PCED1B: variants seen among roughly 807,000 people sequenced by gnomAD.
The protein encoded by PCED1B is PC-esterase domain containing 1B.
For missense variants in PCED1B, 573 were observed against 573.9 expected (o/e 1.00, Z 0.02); for synonymous variants, 251 against 246.1 (o/e 1.02, Z -0.19).
intron 2 of PCED1B, among the ~76,000 whole-genome samples, chr12:47,191,399 C>A (rs1942434813): frequency 6.6e-6 from 1 of 152,188 alleles, no homozygotes; most frequent in African/African-American, 2.4e-5. Context: ...CTTCCTAATT[C>A]TATACCCCAG....
chr12:47,198,636 T>G (rs779081042), intron 2 of PCED1B, among the ~76,000 whole-genome samples: 7 of 147,888 alleles, frequency 4.7e-5, no homozygotes, highest in Non-Finnish European at 1.0e-4. Flanking sequence ...AAGAAAGAAA[T>G]AAAACTTTGT....
At chr12:47,165,072 T>C (rs1232286531) in intron 2 of PCED1B, among the ~76,000 whole-genome samples, 1 of 152,110 alleles carries the variant, frequency 6.6e-6, no homozygotes, top group African/African-American at 2.4e-5. Flanking sequence ...TGCTTGAGAG[T>C]TTTACCCTGG....
chr12:47,180,620 T>A (rs894395732), intron 2 of PCED1B, among the ~76,000 whole-genome samples: 26 of 152,184 alleles, frequency 1.7e-4, no homozygotes, highest in African/African-American at 5.8e-4. Flanking sequence ...AATAAAGAGC[T>A]TCTGCACCGC....
At chr12:47,170,372 C>T (rs893629839) in intron 2 of PCED1B, among the ~76,000 whole-genome samples, 45 of 152,318 alleles carry the variant, frequency 3.0e-4, no homozygotes, top group Non-Finnish European at 4.9e-4. Flanking sequence ...AAACCGCCAT[C>T]GTCATCATGG....
intron 2 of PCED1B, among the ~76,000 whole-genome samples, chr12:47,197,820 C>T (rs1296558591): frequency 1.3e-5 from 2 of 152,042 alleles, no homozygotes; most frequent in Non-Finnish European, 2.9e-5. Flanking sequence ...CCTAGAAGGA[C>T]ACAGTCTACT....
At chr12:47,103,497 T>C (rs1221014630) in intron 1 of PCED1B, among the ~76,000 whole-genome samples, 1 of 152,218 alleles carries the variant, frequency 6.6e-6, no homozygotes, top group Admixed American at 6.5e-5. Flanking sequence ...ATGACCATTT[T>C]AATAGCAAAG....
chr12:47,234,500 T>C (rs1228409836), intron 3 of PCED1B, among the ~76,000 whole-genome samples: 3 of 152,368 alleles, frequency 2.0e-5, no homozygotes, highest in Admixed American at 6.5e-5. Context: ...CTCTTTTATA[T>C]AGTTTAAGTG....
intron 2 of PCED1B, among the ~76,000 whole-genome samples, chr12:47,162,291 T>C (rs191510073): frequency 6.6e-6 from 1 of 151,980 alleles, no homozygotes; most frequent in East Asian, 1.9e-4. Context: ...ATACCTGAGG[T>C]TGGGTGACTT....
intron 2 of PCED1B, among the ~76,000 whole-genome samples, chr12:47,128,945 C>A (rs1940007406): frequency 6.6e-6 from 1 of 152,200 alleles, no homozygotes; most frequent in African/African-American, 2.4e-5. Context: ...AAAGCCATCT[C>A]TGAATTTCCT....
At chr12:47,096,128 C>T (rs1009596843) in intron 1 of PCED1B, among the ~76,000 whole-genome samples, 3 of 152,084 alleles carry the variant, frequency 2.0e-5, no homozygotes, top group Non-Finnish European at 2.9e-5. Context: ...CTAAGCATTC[C>T]TGAGCACTAC....
intron 3 of PCED1B, among the ~76,000 whole-genome samples, chr12:47,227,125 T>C (rs1414339344): frequency 6.6e-6 from 1 of 151,932 alleles, no homozygotes; most frequent in Non-Finnish European, 1.5e-5. Context: ...TCATTTCCAT[T>C]TCAGGTTTTT....
intron 2 of PCED1B, among the ~76,000 whole-genome samples, chr12:47,139,931 CGT>C (rs1481981355): frequency 3.3e-4 from 50 of 151,732 alleles, no homozygotes; most frequent in African/African-American, 1.1e-3. Context: ...ATGTGTGTTT[CGT>C]GTGAGTAGGG....
At chr12:47,234,725 C>T (rs1031602729) in intron 3 of PCED1B, among the ~76,000 whole-genome samples, 2 of 152,182 alleles carry the variant, frequency 1.3e-5, no homozygotes, top group Non-Finnish European at 2.9e-5. Context: ...CTCCTCCCCA[C>T]CAGGTGGAAC....
intron 2 of PCED1B, among the ~76,000 whole-genome samples, chr12:47,128,947 G>A (rs1940007701): frequency 6.6e-6 from 1 of 152,214 alleles, no homozygotes; most frequent in East Asian, 1.9e-4. Context: ...AGCCATCTCT[G>A]AATTTCCTTC....
At chr12:47,192,881 C>G (rs958724794) in intron 2 of PCED1B, among the ~76,000 whole-genome samples, 1 of 152,138 alleles carries the variant, frequency 6.6e-6, no homozygotes, top group Non-Finnish European at 1.5e-5. Context: ...TGTCTAAGAT[C>G]ACAAAGAAAA....
At chr12:47,202,594 T>TAAAAAAAAAAAAAAAAA (rs60769675) in intron 2 of PCED1B, among the ~76,000 whole-genome samples, 19 of 66,672 alleles carry the variant, frequency 2.8e-4, no homozygotes, top group Admixed American at 5.6e-4. Context: ...TAGACATTAG[T>TAAAAAAAAAAAAAAAAA]AAAAAAAAAA....
At chr12:47,105,954 G>A (rs1179142443) in intron 2 of PCED1B, among the ~76,000 whole-genome samples, 1 of 152,178 alleles carries the variant, frequency 6.6e-6, no homozygotes, top group Non-Finnish European at 1.5e-5. Context: ...TAATGATGCC[G>A]TTAGCATTGT....
Position 47,236,602 on chromosome 12 carries a change from A to T in PCED1B, c.*240A>T. ...GACCCAGCGTTATTCCTGCCTCCTC[A>T]CTCCTATTCTCTTTGCCTTTGTGTA... On this transcript the variant is annotated 3_prime_UTR_variant, in exon 4 of 4. Coordinates refer to ENST00000546455, the MANE Select transcript of PCED1B (RefSeq NM_138371.3). 1 of 442,598 alleles carries T rather than the reference A, an allele frequency of 2.3e-6. No individual in the cohort carries two copies. Among genetic ancestry groups the T allele is most frequent in the Non-Finnish European group, 4.1e-6 (1 of 244,376 alleles). 27.4% of individuals were successfully genotyped at this position (442,598 alleles called of 1,614,324 possible). A position where few individuals can be genotyped will look rare whatever the true frequency, so the allele number is the denominator to read the frequency against.
At position 47,236,224 on chromosome 12, in the gene PCED1B, C is replaced by G; in HGVS notation, c.1161C>G (p.Pro387=). 1 of 1,614,192 alleles carries G rather than the reference C, an allele frequency of 6.2e-7. No homozygotes were observed. The highest frequency in any genetic ancestry group is 8.5e-7 in the Non-Finnish European group (1 of 1,180,030). The change falls in exon 4 of 4, where the codon CCC becomes CCG. Residue 387 remains proline, a synonymous_variant. Coordinates refer to ENST00000546455, the MANE Select transcript of PCED1B (RefSeq NM_138371.3). The stretch of plus-strand genomic sequence containing the variant: ...TGCCTATGCCCTTCTTCCCCACACC[C>G]CGTTATCAGCGGCCTGCCCCAGTGG... ...PQLPMPFFPT[P]RYQRPAPVVH...
Sources: allele counts gnomAD v4.1 joint callset (sites outside exome capture counted in the v4.1 genomes callset), GRCh38; gene constraint gnomAD v4.1.1; transcripts MANE v1.5; gene names NCBI Gene and HGNC (gene_info 2026-07-23, HGNC 2026-07-21).